Variants in SASH1 observed in about 807,000 individuals in gnomAD.
The protein encoded by SASH1 is SAM and SH3 domain containing 1.
A neutral mutation model predicts 125.2 loss-of-function variants in SASH1; 44 were observed. The ratio of observed to expected loss-of-function variants is 0.35; its 90% confidence interval spans 0.28 to 0.45. The LOEUF (loss-of-function observed/expected upper bound fraction) is 0.45. Among genes scored for constraint, SASH1 ranks in the 20% least tolerant of loss-of-function variants. SASH1 has a pLI of 1.00. For missense variants in SASH1, 1,426 were observed against 1,614.5 expected, an observed-to-expected ratio of 0.88 and a Z score of 2.00; for synonymous variants, 639 against 649.1, an observed-to-expected ratio of 0.98 and a Z score of 0.24.
chr6:148,318,594 C>G (rs4895749), intron 1 of SASH1, among the ~76,000 whole-genome samples: 24,808 of 150,328 alleles, frequency 0.17, 2,181 homozygotes, highest in East Asian at 0.31. Context: ...TTTCTGTCGC[C>G]GAGGCTGGAG....
upstream of SASH1, among the ~76,000 whole-genome samples, chr6:148,337,997 T>A (rs1397797191): frequency 6.6e-6 from 1 of 152,076 alleles, no homozygotes; most frequent in Non-Finnish European, 1.5e-5. Context: ...TTGGATGAGA[T>A]TCCTGATGGT....
chr6:148,422,824 A>G (rs1775628781), intron 2 of SASH1, among the ~76,000 whole-genome samples: 1 of 152,222 alleles, frequency 6.6e-6, no homozygotes. Context: ...ATAGACCAAT[A>G]AAAAGTTTGC....
chr6:148,220,255 A>G, the SASH1 span, among the ~76,000 whole-genome samples: 10 of 152,002 alleles, frequency 6.6e-5, no homozygotes, highest in Admixed American at 2.0e-4. Context: ...GGCACCTTCA[A>G]CTCTGTATCC....
intron 7 of SASH1, among the ~76,000 whole-genome samples, chr6:148,486,985 ATATATATATGTATTTGCT>A (rs1778887430): frequency 1.3e-5 from 1 of 78,460 alleles, no homozygotes; most frequent in African/African-American, 5.4e-5. Flanking sequence ...ATATATATAT[ATATATATATGTATTTGCT>A]TATATATATG....
At chr6:148,229,021 CTACT>C in the SASH1 span, among the ~76,000 whole-genome samples, 3 of 149,994 alleles carry the variant, frequency 2.0e-5, no homozygotes, top group Non-Finnish European at 4.4e-5. Flanking sequence ...GTCACCCCAG[CTACT>C]GGGGAGGCTA....
intron 2 of SASH1, chr6:148,393,840 A>G (rs1388711946): frequency 2.5e-6 from 1 of 405,300 alleles, no homozygotes; most frequent in Admixed American, 6.5e-5. Flanking sequence ...TTTAAATTGT[A>G]GTTAGCAAGT....
chr6:148,425,199 C>T (rs1015041974), intron 2 of SASH1, among the ~76,000 whole-genome samples: 7 of 152,164 alleles, frequency 4.6e-5, no homozygotes, highest in Admixed American at 4.6e-4. Context: ...AAGCTAGCTT[C>T]AGGATGAACA....
At chr6:148,362,049 G>A (rs7769660) in intron 1 of SASH1, among the ~76,000 whole-genome samples, 6 of 148,112 alleles carry the variant, frequency 4.1e-5, no homozygotes, top group African/African-American at 1.5e-4. Context: ...GAGTAGCTGG[G>A]ACTACAGACG....
intron 4 of SASH1, among the ~76,000 whole-genome samples, chr6:148,447,921 C>A (rs62432300): frequency 0.061 from 9,331 of 152,194 alleles, 370 homozygotes; most frequent in South Asian, 0.21. Context: ...GATACTCTGT[C>A]TCCCACTCTC....
At chr6:148,511,234 C>G (rs545639725) in intron 8 of SASH1, among the ~76,000 whole-genome samples, 2 of 151,826 alleles carry the variant, frequency 1.3e-5, no homozygotes, top group Non-Finnish European at 2.9e-5. Context: ...CAACACCTCT[C>G]CATCAATATC....
At chr6:148,272,734 G>A (rs1428880182) in intron 1 of SASH1, among the ~76,000 whole-genome samples, 1 of 152,138 alleles carries the variant, frequency 6.6e-6, no homozygotes, top group Non-Finnish European at 1.5e-5. Context: ...ACTTATCTAT[G>A]AAAACTTTTT....
upstream of SASH1, among the ~76,000 whole-genome samples, chr6:148,268,053 C>A (rs907283566): frequency 6.6e-6 from 1 of 152,288 alleles, no homozygotes; most frequent in African/African-American, 2.4e-5. Flanking sequence ...TTAGCTATTC[C>A]TCTGTGCTGG....
chr6:148,319,236 G>A lies in SASH1; in HGVS notation n.74+46859G>A, dbSNP rs535815851. Among the ~76,000 whole-genome samples, 72 of 150,190 alleles carry A rather than the reference G, an allele frequency of 4.8e-4. 2 individuals are homozygous for A. In the South Asian group the frequency reaches 0.012, roughly 26 times the overall value. On this transcript the variant is annotated intron_variant and non_coding_transcript_variant, in intron 1 of 3. Transcript: ENST00000367469. ...TTTTTAGTGGAGACGGGGTTTCACCGTGTTTTGCCAGGATGGTCTTGATCT... is the reference window on the plus strand; with the variant it reads ...TTTTTAGTGGAGACGGGGTTTCACCATGTTTTGCCAGGATGGTCTTGATCT...
chr6:148,255,681 A>G, the SASH1 span, among the ~76,000 whole-genome samples: 1 of 151,876 alleles, frequency 6.6e-6, no homozygotes, highest in Admixed American at 6.6e-5. Context: ...CCCATTGCCC[A>G]GGCTGGAGTG....
chr6:148,377,190 A>C (rs1351002707), intron 1 of SASH1, among the ~76,000 whole-genome samples: 49 of 145,254 alleles, frequency 3.4e-4, no homozygotes, highest in Middle Eastern at 3.5e-3. Context: ...AAAACAAAAA[A>C]AAAACAAAAA....
chr6:148,298,813 AGAG>A (rs1316924732), intron 1 of SASH1, among the ~76,000 whole-genome samples: 3 of 133,232 alleles, frequency 2.3e-5, no homozygotes, highest in African/African-American at 9.3e-5. Context: ...GAAAGAAAAA[AGAG>A]AGGGAGGGAA....
At chr6:148,249,350 GCAT>G in the SASH1 span, among the ~76,000 whole-genome samples, 1 of 88 alleles carries the variant, frequency 0.011, no homozygotes, top group Non-Finnish European at 0.022. Flanking sequence ...GTGTGTGCAT[GCAT>G]CACACACACA....
chr6:148,279,078 G>A (rs183840762), intron 1 of SASH1, among the ~76,000 whole-genome samples: 18 of 151,332 alleles, frequency 1.2e-4, no homozygotes, highest in African/African-American at 3.2e-4. Flanking sequence ...TGCCACCCCC[G>A]CCTCCTGAGT....
At chr6:148,467,088 C>CTTTTTTTTT (rs71004298) in intron 4 of SASH1, among the ~76,000 whole-genome samples, 28 of 69,952 alleles carry the variant, frequency 4.0e-4, no homozygotes, top group East Asian at 5.5e-4. Context: ...TTCCCTGTTC[C>CTTTTTTTTT]TTTTTTTTTT....
Sources: gnomAD v4.1 joint callset for allele counts (sites outside exome capture counted in the v4.1 genomes callset) on GRCh38, gnomAD v4.1.1 for gene constraint, MANE v1.5 for transcripts, NCBI Gene and HGNC (gene_info 2026-07-23, HGNC 2026-07-21) for gene names.